DCLK2: variants seen among roughly 807,000 people sequenced by gnomAD.
The protein encoded by DCLK2 is doublecortin like kinase 2, also known as serine/threonine-protein kinase DCLK2.
Under a neutral mutation model 78.4 loss-of-function variants are expected in DCLK2, and 31 were observed. That is an observed-to-expected ratio of 0.40 (90% confidence interval 0.30 to 0.53). DCLK2 has a LOEUF of 0.53. Ranked by LOEUF, DCLK2 falls within the 20% of genes least tolerant of loss-of-function variation. The probability of loss-of-function intolerance (pLI) is 0.61; values close to 1 mark genes in which losing one functional copy is unlikely to be tolerated. For missense variants in DCLK2, 872 were observed against 973.7 expected, an observed-to-expected ratio of 0.90 and a Z score of 1.39; for synonymous variants, 407 against 374.9, an observed-to-expected ratio of 1.09 and a Z score of -0.99.
chr4:150,144,614 T>G (rs961087006), intron 2 of DCLK2, among the ~76,000 whole-genome samples: 1 of 152,052 alleles, frequency 6.6e-6, no homozygotes, highest in Non-Finnish European at 1.5e-5. Context: ...TGAGACAGAG[T>G]CTAACTCTGT....
chr4:150,251,719 C>A (rs1744158280), intron 15 of DCLK2, among the ~76,000 whole-genome samples: 1 of 118,232 alleles, frequency 8.5e-6, no homozygotes, highest in African/African-American at 3.3e-5. Flanking sequence ...CCCCCAACAC[C>A]CCCACACACC....
At chr4:150,220,946 A>T (rs1308728222) in intron 6 of DCLK2, among the ~76,000 whole-genome samples, 168 bp downstream of exon 6, 1 of 152,230 alleles carries the variant, frequency 6.6e-6, no homozygotes, top group Non-Finnish European at 1.5e-5. Context: ...GGGTTACTTC[A>T]AGATAAAGAA....
At chr4:150,188,616 C>G (rs1244571414) in intron 2 of DCLK2, among the ~76,000 whole-genome samples, 1 of 151,898 alleles carries the variant, frequency 6.6e-6, no homozygotes, top group Admixed American at 6.6e-5. Context: ...TAAGAAGATC[C>G]AAGGGCCGGG....
At chr4:150,144,143 G>C (rs1167804390) in intron 2 of DCLK2, among the ~76,000 whole-genome samples, 1 of 152,102 alleles carries the variant, frequency 6.6e-6, no homozygotes, top group African/African-American at 2.4e-5. Flanking sequence ...TTGACTTCAA[G>C]CTTAGTCAAG....
chr4:150,257,090 G>T lies in DCLK2; in HGVS notation c.*843G>T, dbSNP rs560487951. The T allele has an allele frequency of 2.6e-5, 4 of 152,476 alleles. No individual in the cohort carries two copies. The East Asian group carries it at 7.7e-4, about 29-fold the overall frequency. 9.4% of individuals were successfully genotyped at this position (152,476 alleles called of 1,614,324 possible). A position where few individuals can be genotyped will look rare whatever the true frequency, so the allele number is the denominator to read the frequency against. On this transcript the variant is annotated 3_prime_UTR_variant, in exon 16 of 16. Coordinates refer to ENST00000296550, the MANE Select transcript of DCLK2 (RefSeq NM_001040260.4). ...CCAGCGGCTGCTTCCCTGCAAGCCA[G>T]CGACTTGCCGAGCAGAATGAGCTCT...
At chr4:150,187,406 T>A (rs1191094570) in intron 2 of DCLK2, among the ~76,000 whole-genome samples, 1 of 152,182 alleles carries the variant, frequency 6.6e-6, no homozygotes, top group African/African-American at 2.4e-5. Flanking sequence ...TTTGTACATT[T>A]CTTTCCCTCT....
chr4:150,222,711 A>T (rs1741282209), intron 7 of DCLK2, among the ~76,000 whole-genome samples: 1 of 151,794 alleles, frequency 6.6e-6, no homozygotes, highest in East Asian at 1.9e-4. Flanking sequence ...AAAAAAAAAC[A>T]AAAAAAATTC....
chr4:150,098,371 A>G (rs1176188303), intron 1 of DCLK2, among the ~76,000 whole-genome samples: 1 of 152,224 alleles, frequency 6.6e-6, no homozygotes, highest in Non-Finnish European at 1.5e-5. Flanking sequence ...GTCTAACAGA[A>G]GAACAAAATG....
At chr4:150,249,712 G>A in intron 15 of DCLK2, 28 bp downstream of exon 15, 2 of 1,586,574 alleles carry the variant, frequency 1.3e-6, no homozygotes, top group South Asian at 2.2e-5. Context: ...GGTCTGGCCT[G>A]ACTGCGGAGC....
intron 2 of DCLK2, among the ~76,000 whole-genome samples, chr4:150,185,300 C>G (rs1048775673): frequency 6.6e-6 from 1 of 152,194 alleles, no homozygotes; most frequent in Non-Finnish European, 1.5e-5. Flanking sequence ...GGGGACCACC[C>G]CCATGATCTA....
At chr4:150,121,728 T>C (rs570467598) in intron 2 of DCLK2, among the ~76,000 whole-genome samples, 2 of 152,192 alleles carry the variant, frequency 1.3e-5, no homozygotes, top group Non-Finnish European at 2.9e-5. Flanking sequence ...ATCAGAAGAA[T>C]CGCTACGGCA....
intron 2 of DCLK2, among the ~76,000 whole-genome samples, chr4:150,144,092 G>A (rs1234189469): frequency 6.6e-6 from 1 of 151,812 alleles, no homozygotes; most frequent in Non-Finnish European, 1.5e-5. Context: ...TTGCTTTTGG[G>A]GTGTTCGTCA....
rs147697654 is a variant in DCLK2, at chr4:150,128,555, T to C, written c.756+25743T>C. Among the ~76,000 whole-genome samples the C allele has an allele frequency of 4.6e-5, 7 of 152,308 alleles. No homozygotes were observed. In the East Asian group the frequency reaches 1.2e-3, roughly 25 times the overall value. On this transcript the variant is annotated intron_variant, in intron 2 of 15. Coordinates refer to ENST00000296550, the MANE Select transcript of DCLK2 (RefSeq NM_001040260.4). Reference sequence around the variant, plus strand: ...TTATGAAATGAGTTTACGAAGATGATCAAATCCTGAAAGATTGAATGTCCC... The same window carrying C: ...TTATGAAATGAGTTTACGAAGATGACCAAATCCTGAAAGATTGAATGTCCC...
intron 2 of DCLK2, among the ~76,000 whole-genome samples, chr4:150,171,038 A>C (rs77579899): frequency 1.3e-5 from 2 of 152,206 alleles, no homozygotes; most frequent in African/African-American, 4.8e-5. Context: ...TTGGTCTTCT[A>C]TAGGTAGCAT....
At position 150,079,364 on chromosome 4, in the gene DCLK2, A is replaced by G. The variant is rs755206301; in HGVS notation, c.337A>G (p.Asn113Asp). Residue 113 changes from asparagine (N) to aspartate (D), a missense_variant, in exon 1 of 16, where the codon AAC becomes GAC. Transcript: ENST00000296550. ...LIELTRSLSD[N>D]VNLPQGVRTI... ...AGAGCTCACCCGCTCCCTGTCGGAC[A>G]ACGTGAACCTGCCCCAGGGTGTCCG... 6.3e-7 allele frequency: 1 copy of G among 1,589,714 alleles called. No homozygotes were observed. Among genetic ancestry groups the G allele is most frequent in the Non-Finnish European group, 8.6e-7 (1 of 1,168,104 alleles).
At chr4:150,228,854 G>A (rs1178644393) in intron 8 of DCLK2, among the ~76,000 whole-genome samples, 14 of 151,384 alleles carry the variant, frequency 9.2e-5, no homozygotes, top group Non-Finnish European at 1.8e-4. Flanking sequence ...GTGAAACCCC[G>A]TCTCTACTAA....
rs1284075528 is a variant in DCLK2, at chr4:150,253,677, T to G, written c.2074-2343T>G. The G allele has an allele frequency of 2.4e-6, 3 of 1,231,214 alleles. No homozygotes were observed. In the African/African-American group the frequency reaches 4.7e-5, roughly 19 times the overall value. The allele number at this position is 1,231,214 out of a possible 1,614,324, so 76.3% of individuals were successfully genotyped here. On this transcript the variant is annotated intron_variant, in intron 15 of 15. Transcript: ENST00000296550. ...CAGCTGCTTACTGGTGTGGGTCTTTTGTACCTACTCACATCCTTTCCAGCC... is the reference window on the plus strand; with the variant it reads ...CAGCTGCTTACTGGTGTGGGTCTTTGGTACCTACTCACATCCTTTCCAGCC...
chr4:150,108,587 T>C (rs778582017), intron 2 of DCLK2, among the ~76,000 whole-genome samples: 12 of 151,888 alleles, frequency 7.9e-5, no homozygotes, highest in South Asian at 4.1e-4. Flanking sequence ...AATAAAACCT[T>C]CTTGCACTTT....
intron 2 of DCLK2, among the ~76,000 whole-genome samples, chr4:150,127,208 T>C (rs1732980446): frequency 6.6e-6 from 1 of 152,202 alleles, no homozygotes; most frequent in African/African-American, 2.4e-5. Context: ...AATGAATATC[T>C]TGCAGGGAAA....
Sources: gnomAD v4.1 joint callset for allele counts (sites outside exome capture counted in the v4.1 genomes callset) on GRCh38, gnomAD v4.1.1 for gene constraint, MANE v1.5 for transcripts, NCBI Gene and HGNC (gene_info 2026-07-23, HGNC 2026-07-21) for gene names.